Variants in C14orf39 observed in about 807,000 individuals in gnomAD.
C14orf39 encodes chromosome 14 open reading frame 39.
Under a neutral mutation model 85.6 loss-of-function variants are expected in C14orf39, and 66 were observed. The observed-to-expected ratio is 0.77, with a 90% confidence interval of 0.63 to 0.95. The LOEUF (loss-of-function observed/expected upper bound fraction) is 0.95. Ranked by LOEUF, C14orf39 falls within the 40% of genes least tolerant of loss-of-function variation. The pLI is 0.00. For missense variants in C14orf39, 735 were observed against 663.9 expected, an observed-to-expected ratio of 1.11 and a Z score of -1.18; for synonymous variants, 242 against 214.0, an observed-to-expected ratio of 1.13 and a Z score of -1.14.
chr14:60,485,972 C>T lies in C14orf39; in HGVS notation c.-36G>A, dbSNP rs1892874305. The T allele has an allele frequency of 6.5e-6, 1 of 153,094 alleles. No individual in the cohort carries two copies. Among genetic ancestry groups the T allele is most frequent in the African/African-American group, 2.4e-5 (1 of 41,456 alleles). 9.5% of individuals were successfully genotyped at this position (153,094 alleles called of 1,614,324 possible). Reference sequence around the variant, plus strand: ...AAACAGCTCCTCTGGACCCGAACGCCCACACCCTCCCTCCCTGGGGTCCCA... The same window carrying T: ...AAACAGCTCCTCTGGACCCGAACGCTCACACCCTCCCTCCCTGGGGTCCCA... On this transcript the variant is annotated 5_prime_UTR_variant, in exon 1 of 18. Transcript: ENST00000321731.
chr14:60,464,707 T>C (rs1043333922), intron 11 of C14orf39, among the ~76,000 whole-genome samples: 4 of 152,108 alleles, frequency 2.6e-5, no homozygotes, highest in Non-Finnish European at 5.9e-5. Flanking sequence ...TATTTTCTTC[T>C]TTTTTTCAGC....
intron 16 of C14orf39, among the ~76,000 whole-genome samples, chr14:60,453,640 G>T (rs564600953): frequency 7.5e-4 from 114 of 151,430 alleles, no homozygotes; most frequent in South Asian, 5.0e-3. Flanking sequence ...TTTCTACCTT[G>T]TGGGGTTGAA....
At chr14:60,472,401 T>C (rs889152136) in intron 5 of C14orf39, among the ~76,000 whole-genome samples, 46 of 152,182 alleles carry the variant, frequency 3.0e-4, no homozygotes, top group African/African-American at 1.1e-3. Context: ...CATTAACCTT[T>C]TTTTCTTTTT....
At chr14:60,487,371 T>C (rs1487941558), upstream of C14orf39, among the ~76,000 whole-genome samples, 1 of 152,152 alleles carries the variant, frequency 6.6e-6, no homozygotes, top group Non-Finnish European at 1.5e-5. Flanking sequence ...AGTGAAGTCA[T>C]ATAGTATTTG....
At chr14:60,474,401 C>T (rs144952803) in intron 5 of C14orf39, among the ~76,000 whole-genome samples, 27,870 of 47,744 alleles carry the variant, frequency 0.58, 10,113 homozygotes, top group Non-Finnish European at 0.8. Flanking sequence ...TTTCTTTCTC[C>T]TGCCTGATTG....
chr14:60,478,374 A>G lies in C14orf39; in HGVS notation c.249T>C (p.Cys83=). 6.4e-7 allele frequency: 1 copy of G among 1,573,944 alleles called. No homozygotes were observed. The highest frequency in any genetic ancestry group is 8.6e-7 in the Non-Finnish European group (1 of 1,163,166). The change falls in exon 5 of 18, where the codon TGT becomes TGC. Residue 83 remains cysteine (C), a synonymous_variant. Coordinates refer to ENST00000321731, the MANE Select transcript of C14orf39 (RefSeq NM_174978.3). The stretch of plus-strand genomic sequence containing the variant: ...AATCTTCATGTTTACGAAAAACATC[A>G]CATGTTGGCTTCCAGCTATAGAAAA... ...KDNCRNWKPT[C]DVFRKHEDYM...
Position 60,463,538 on chromosome 14 carries a change from C to T in C14orf39, c.973-1945G>A, listed in dbSNP as rs184273441. On this transcript the variant is annotated intron_variant, in intron 11 of 17. Coordinates refer to ENST00000321731, the MANE Select transcript of C14orf39 (RefSeq NM_174978.3). ...ATTAGAGTGATAATGGTTACACAAC[C>T]TTATGATATACTAAAAACCACTAAA... Among the ~76,000 whole-genome samples, 15 of 149,350 alleles carry T rather than the reference C, an allele frequency of 1.0e-4. No homozygotes were observed. The East Asian group carries it at 2.8e-3, about 28-fold the overall frequency.
intron 1 of C14orf39, among the ~76,000 whole-genome samples, chr14:60,501,503 C>T (rs1383411082): frequency 6.6e-6 from 1 of 152,104 alleles, no homozygotes; most frequent in Admixed American, 6.5e-5. Flanking sequence ...TCCTCTAGAG[C>T]CTCTGGAGAG....
intron 14 of C14orf39, among the ~76,000 whole-genome samples, chr14:60,458,110 T>C (rs952921366): frequency 6.6e-6 from 1 of 152,054 alleles, no homozygotes; most frequent in African/African-American, 2.4e-5. Context: ...AATATTTGTC[T>C]TTTCTTCATG....
chr14:60,494,203 CA>C, intron 2 of C14orf39: 1 of 251,690 alleles, frequency 4.0e-6, no homozygotes. Context: ...CCATGGTGAA[CA>C]AAAACAAGAA....
chr14:60,472,440 G>A (rs1320539891), intron 5 of C14orf39, among the ~76,000 whole-genome samples: 1 of 152,110 alleles, frequency 6.6e-6, no homozygotes, highest in East Asian at 1.9e-4. Flanking sequence ...TAGGGTATAT[G>A]TGCACAACGT....
intron 1 of C14orf39, chr14:60,511,243 C>T (rs1340085716): frequency 6.2e-7 from 1 of 1,613,400 alleles, no homozygotes; most frequent in Non-Finnish European, 8.5e-7. Flanking sequence ...ACAGCGAGTG[C>T]GACATCTGAG....
upstream of C14orf39, among the ~76,000 whole-genome samples, chr14:60,489,851 A>G (rs758689743): frequency 6.6e-5 from 10 of 152,210 alleles, no homozygotes; most frequent in Non-Finnish European, 1.3e-4. Flanking sequence ...CCTGATTTCT[A>G]AACAGTTGTC....
At chr14:60,514,019 C>A (rs964703698) in intron 1 of C14orf39, among the ~76,000 whole-genome samples, 1 of 152,180 alleles carries the variant, frequency 6.6e-6, no homozygotes, top group Non-Finnish European at 1.5e-5. Flanking sequence ...TGACACATTA[C>A]TTGTAAGATT....
chr14:60,475,120 T>G (rs551526625), intron 5 of C14orf39, among the ~76,000 whole-genome samples: 3 of 152,304 alleles, frequency 2.0e-5, no homozygotes, highest in South Asian at 2.1e-4. Flanking sequence ...CTTCCTGGTT[T>G]AGTCTTGGGA....
rs764407753 is a variant in C14orf39, at chr14:60,484,925, T to A, written c.62A>T (p.Glu21Val). ...RLLLEFVFQYEQDISTKEEMI... is the reference protein window; with the variant it reads ...RLLLEFVFQYVQDISTKEEMI... ...CTCTTCTTTAGTACTTATGTCTTGC[T>A]CATACTGGAAGACTAAAATAAATAA... The change falls in exon 3 of 18, where the codon GAG becomes GTG. Residue 21 changes from glutamate to valine, a missense_variant. Transcript: ENST00000321731. The surrounding 1 kb of genome is among the most constrained non-coding windows in gnomAD (Gnocchi z 4.2). The A allele has an allele frequency of 2.5e-6, 4 of 1,573,110 alleles. No homozygotes were observed. Among genetic ancestry groups the A allele is most frequent in the Non-Finnish European group, 2.6e-6 (3 of 1,156,572 alleles).
intron 14 of C14orf39, among the ~76,000 whole-genome samples, chr14:60,457,586 C>T (rs908561823): frequency 2.0e-5 from 3 of 151,870 alleles, no homozygotes; most frequent in Non-Finnish European, 4.4e-5. Context: ...ACTAATTTTC[C>T]TTTATGTCAT....
chr14:60,483,599 A>G, intron 4 of C14orf39, 92 bp downstream of exon 4: 2 of 1,113,652 alleles, frequency 1.8e-6, no homozygotes, highest in Non-Finnish European at 1.3e-6. Flanking sequence ...TAGCTAATAC[A>G]GAATACTACT....
rs756798787 is a variant in C14orf39 at position 60,509,494 on chromosome 14, C to T, written c.-144+5901G>A. 2.5e-6 allele frequency: 4 copies of T among 1,603,140 alleles called. No individual in the cohort carries two copies. In the East Asian group the frequency reaches 8.9e-5, roughly 36 times the overall value. Reference sequence around the variant, plus strand: ...GCGGCGATGTGGAGCGCCTGGGTCGCTTCCTCTGGTCGCTGCCCGTGGCCC... The same window carrying T: ...GCGGCGATGTGGAGCGCCTGGGTCGTTTCCTCTGGTCGCTGCCCGTGGCCC... On this transcript the variant is annotated intron_variant, in intron 1 of 5. Transcript: ENST00000556799.
Sources: allele counts gnomAD v4.1 joint callset (sites outside exome capture counted in the v4.1 genomes callset), GRCh38; gene constraint gnomAD v4.1.1; non-coding constraint Gnocchi (gnomAD v3.1); transcripts MANE v1.5; gene names NCBI Gene and HGNC (gene_info 2026-07-23, HGNC 2026-07-21).